The following PRKN variants were observed in gnomAD, a reference collection of about 807,000 sequenced individuals.
PRKN encodes the protein E3 ubiquitin-protein ligase parkin.
PRKN carries 56 observed loss-of-function variants against 59.5 expected under a neutral mutation model. That is an observed-to-expected ratio of 0.94 (90% CI 0.76 to 1.18). The LOEUF (loss-of-function observed/expected upper bound fraction) is 1.18. PRKN is among the 50% of genes most tolerant of loss of function. PRKN has a pLI of 0.00. For synonymous variants in PRKN, 250 were observed against 222.1 expected (o/e 1.13, Z -1.12); for missense variants, 657 against 596.4 (o/e 1.10, Z -1.06).
intron 5 of PRKN, among the ~76,000 whole-genome samples, chr6:162,011,379 T>G (rs1782680806): frequency 7.4e-5 from 1 of 13,478 alleles, no homozygotes; most frequent in Non-Finnish European, 1.1e-4. Context: ...TAATATATTA[T>G]ATATTTATAA....
At position 161,442,789 on chromosome 6, in the gene PRKN, A is replaced by C. The variant is rs1458783141; in HGVS notation, c.1084-55912T>G. On this transcript the variant is annotated intron_variant, in intron 9 of 11. Coordinates refer to ENST00000366898, the MANE Select transcript of PRKN (RefSeq NM_004562.3). This position sits in a 1 kb window ranked among gnomAD's most constrained non-coding sequence, Gnocchi z 4.6. Reference sequence around the variant, plus strand: ...AGCTTACCGAGAGCCTCTGCCAGGAAGCAAAAGAGAGGTTCTCTTCCCTTT... The same window carrying C: ...AGCTTACCGAGAGCCTCTGCCAGGACGCAAAAGAGAGGTTCTCTTCCCTTT... 6.6e-6 allele frequency among the ~76,000 whole-genome samples: 1 copy of C among 152,236 alleles called. No homozygotes were observed. Among genetic ancestry groups the C allele is most frequent in the African/African-American group, 2.4e-5 (1 of 41,474 alleles).
Position 162,625,993 on chromosome 6 carries a change from A to G in PRKN, c.7+101669T>C, listed in dbSNP as rs186207558. Among the ~76,000 whole-genome samples the G allele has an allele frequency of 2.0e-5, 3 of 152,302 alleles. No individual in the cohort carries two copies. The East Asian group carries it at 5.8e-4, about 29-fold the overall frequency. On this transcript the variant is annotated intron_variant, in intron 1 of 11. Coordinates refer to ENST00000366898, the MANE Select transcript of PRKN (RefSeq NM_004562.3). ...AGACCTTGACTTACGCTAACTCGAC[A>G]TATCTTGACTAATGAATGACTTATT...
intron 9 of PRKN, among the ~76,000 whole-genome samples, chr6:161,452,892 T>C (rs921963121): frequency 6.6e-6 from 1 of 151,550 alleles, no homozygotes; most frequent in East Asian, 1.9e-4. Context: ...ATATATTTTA[T>C]ATATATATAA....
chr6:161,987,789 A>G (rs1265055205), intron 5 of PRKN, among the ~76,000 whole-genome samples: 1 of 152,186 alleles, frequency 6.6e-6, no homozygotes, highest in Admixed American at 6.5e-5. Flanking sequence ...ATAACATCAA[A>G]CCTTTTGTGT....
chr6:162,434,718 C>G (rs1335522078), intron 2 of PRKN, among the ~76,000 whole-genome samples: 2 of 152,084 alleles, frequency 1.3e-5, no homozygotes, highest in Non-Finnish European at 2.9e-5. Flanking sequence ...CTAATGGTAA[C>G]TTATTAATTA....
At chr6:161,678,658 G>A (rs370181050) in intron 7 of PRKN, among the ~76,000 whole-genome samples, 13 of 142,174 alleles carry the variant, frequency 9.1e-5, no homozygotes, top group South Asian at 2.2e-4. Context: ...TGCACCTCCC[G>A]GGTTCAAGCA....
At chr6:162,607,189 A>G (rs1781956111) in intron 1 of PRKN, among the ~76,000 whole-genome samples, 1 of 152,180 alleles carries the variant, frequency 6.6e-6, no homozygotes, top group Non-Finnish European at 1.5e-5. Context: ...AGATTGATTC[A>G]TGAATCATTT....
chr6:162,413,442 A>C (rs1401955850), intron 2 of PRKN, among the ~76,000 whole-genome samples: 4 of 152,220 alleles, frequency 2.6e-5, no homozygotes, highest in Non-Finnish European at 4.4e-5. Flanking sequence ...GGAAGAAAAT[A>C]GAAAAAAGTT....
intron 1 of PRKN, among the ~76,000 whole-genome samples, chr6:162,640,896 A>G (rs1391098132): frequency 6.6e-6 from 1 of 152,162 alleles, no homozygotes; most frequent in Non-Finnish European, 1.5e-5. Context: ...ATCAGAAGGG[A>G]AAAGAGCTCT....
At chr6:161,509,371 A>G (rs368513176) in intron 9 of PRKN, among the ~76,000 whole-genome samples, 1 of 152,112 alleles carries the variant, frequency 6.6e-6, no homozygotes, top group East Asian at 1.9e-4. Context: ...TGAGATCAAA[A>G]AGAATGGCAA....
intron 2 of PRKN, among the ~76,000 whole-genome samples, chr6:162,301,464 G>A (rs367560954): frequency 6.6e-6 from 1 of 152,026 alleles, no homozygotes; most frequent in African/African-American, 2.4e-5. Flanking sequence ...CTGACAGGGC[G>A]GCCTAGACAA....
At chr6:161,374,565 G>GA (rs1785582501) in intron 10 of PRKN, among the ~76,000 whole-genome samples, 1 of 10,308 alleles carries the variant, frequency 9.7e-5, no homozygotes, top group African/African-American at 3.8e-4. Flanking sequence ...TGTGTGTGTG[G>GA]TGTGTGTAAT....
intron 2 of PRKN, among the ~76,000 whole-genome samples, chr6:162,412,714 A>T (rs1326362362): frequency 6.6e-6 from 1 of 152,174 alleles, no homozygotes; most frequent in East Asian, 1.9e-4. Flanking sequence ...CTGCAAGTTA[A>T]ATTTTACTGC....
rs528648427 is a variant in PRKN at position 161,755,212 on chromosome 6, A to ATGAC, written c.871+30556_871+30559dup. Among the ~76,000 whole-genome samples the ATGAC allele has an allele frequency of 1.1e-4, 16 of 152,264 alleles. No homozygotes were observed. In the East Asian group the frequency reaches 1.9e-3, roughly 18 times the overall value. On this transcript the variant is annotated intron_variant, in intron 7 of 11. Transcript: ENST00000366898. ...AGCTTCTTGCCAGTAGGGGAGGTGC[A>ATGAC]TGACAGAAAGCGTTTTGATTCTTTT...
intron 6 of PRKN, among the ~76,000 whole-genome samples, chr6:161,919,619 A>G (rs1329172193): frequency 6.6e-6 from 1 of 152,220 alleles, no homozygotes; most frequent in East Asian, 1.9e-4. Context: ...CATCTTCCCA[A>G]ACCAGTGAAG....
chr6:162,333,608 C>T (rs1039704071), intron 2 of PRKN, among the ~76,000 whole-genome samples: 4 of 152,292 alleles, frequency 2.6e-5, no homozygotes, highest in Admixed American at 1.3e-4. Context: ...CCGACTGATA[C>T]GCCAACTGCC....
intron 4 of PRKN, among the ~76,000 whole-genome samples, chr6:162,190,174 G>T (rs1054906161): frequency 6.6e-6 from 1 of 152,070 alleles, no homozygotes; most frequent in Non-Finnish European, 1.5e-5. Flanking sequence ...AGTGAGTATC[G>T]TGCCCTACAA....
intron 2 of PRKN, among the ~76,000 whole-genome samples, chr6:162,432,691 T>C (rs1455390681): frequency 2.6e-5 from 4 of 152,180 alleles, no homozygotes; most frequent in Non-Finnish European, 4.4e-5. Flanking sequence ...GCTTATCAAT[T>C]ACAGAGGCAA....
At chr6:162,472,179 C>A (rs1163352834) in intron 1 of PRKN, among the ~76,000 whole-genome samples, 2 of 150,982 alleles carry the variant, frequency 1.3e-5, no homozygotes, top group South Asian at 2.1e-4. Flanking sequence ...ACCTCTGCCA[C>A]ATTATAGAGG....
Sources: allele counts gnomAD v4.1 joint callset (sites outside exome capture counted in the v4.1 genomes callset), GRCh38; gene constraint gnomAD v4.1.1; non-coding constraint Gnocchi (gnomAD v3.1); transcripts MANE v1.5; gene names NCBI Gene and HGNC (gene_info 2026-07-23, HGNC 2026-07-21).